Variants in KCNJ6 observed in about 807,000 individuals in gnomAD.
KCNJ6 encodes the protein G protein-activated inward rectifier potassium channel 2.
KCNJ6 carries 9 observed loss-of-function variants against 34.2 expected under a neutral mutation model. The ratio of observed to expected loss-of-function variants is 0.26; its 90% confidence interval spans 0.16 to 0.46. The LOEUF is 0.46. Ranked by LOEUF, KCNJ6 falls within the 20% of genes least tolerant of loss-of-function variation. The pLI is 1.00. For missense variants in KCNJ6, 236 were observed against 531.3 expected, an observed-to-expected ratio of 0.44 and a Z score of 5.46; for synonymous variants, 196 against 207.1, an observed-to-expected ratio of 0.95 and a Z score of 0.46.
intron 2 of KCNJ6, among the ~76,000 whole-genome samples, chr21:37,743,044 C>G (rs1303998021): frequency 6.6e-6 from 1 of 152,176 alleles, no homozygotes; most frequent in Non-Finnish European, 1.5e-5. Context: ...TCCCTGGAAG[C>G]CTGCCAGAGA....
intron 2 of KCNJ6, among the ~76,000 whole-genome samples, chr21:37,731,265 T>TTG (rs1208627390): frequency 6.6e-6 from 1 of 152,154 alleles, no homozygotes; most frequent in Non-Finnish European, 1.5e-5. Context: ...TTTAAGGGGC[T>TTG]TGTGTTTGGG....
intron 2 of KCNJ6, among the ~76,000 whole-genome samples, chr21:37,777,908 G>A (rs182030257): frequency 6.6e-6 from 1 of 152,166 alleles, no homozygotes; most frequent in African/African-American, 2.4e-5. Context: ...TCTTGACTGT[G>A]GTTCAGCACA....
intron 1 of KCNJ6, among the ~76,000 whole-genome samples, chr21:37,884,609 C>G (rs539678979): frequency 6.6e-6 from 1 of 152,192 alleles, no homozygotes; most frequent in Non-Finnish European, 1.5e-5. Flanking sequence ...CCCAAAGCCC[C>G]AAAGTAAAAG....
chr21:37,685,095 G>T (rs764466912), intron 3 of KCNJ6, among the ~76,000 whole-genome samples: 63 of 151,894 alleles, frequency 4.1e-4, no homozygotes, highest in South Asian at 6.2e-4. Context: ...CTAGAAAAAA[G>T]AAAAAATCAA....
At chr21:37,682,277 CTT>C (rs2054594004) in intron 3 of KCNJ6, among the ~76,000 whole-genome samples, 1 of 152,208 alleles carries the variant, frequency 6.6e-6, no homozygotes, top group Admixed American at 6.5e-5. Context: ...TCCTTTCTTG[CTT>C]CTTCTGGCTT....
intron 3 of KCNJ6, among the ~76,000 whole-genome samples, chr21:37,710,089 T>C (rs1014463061): frequency 2.0e-5 from 3 of 152,086 alleles, no homozygotes; most frequent in Non-Finnish European, 2.9e-5. Context: ...GAAGAAGAAG[T>C]CATAGATTAA....
intron 1 of KCNJ6, among the ~76,000 whole-genome samples, chr21:37,881,778 A>G (rs1224290799): frequency 6.6e-6 from 1 of 152,108 alleles, no homozygotes; most frequent in Non-Finnish European, 1.5e-5. Flanking sequence ...TCTCATCTCC[A>G]AATGCCACCA....
intron 1 of KCNJ6, among the ~76,000 whole-genome samples, chr21:37,877,244 C>G (rs974886755): frequency 6.6e-6 from 1 of 152,144 alleles, no homozygotes; most frequent in Non-Finnish European, 1.5e-5. Context: ...CTCCCCAGGT[C>G]TCTCCTGATA....
chr21:37,787,624 G>GTTT (rs1037539580), intron 2 of KCNJ6, among the ~76,000 whole-genome samples: 6 of 152,154 alleles, frequency 3.9e-5, no homozygotes, highest in African/African-American at 1.4e-4. Context: ...GAATGTATTT[G>GTTT]TTTGGGAACT....
intron 2 of KCNJ6, among the ~76,000 whole-genome samples, chr21:37,743,156 T>C (rs547105747): frequency 1.2e-4 from 19 of 152,304 alleles, no homozygotes; most frequent in Admixed American, 4.6e-4. Context: ...GTCTCTTCCC[T>C]GACAGACCCT....
At chr21:37,812,179 A>G (rs1003848597) in intron 2 of KCNJ6, among the ~76,000 whole-genome samples, 2 of 152,196 alleles carry the variant, frequency 1.3e-5, no homozygotes, top group Non-Finnish European at 2.9e-5. Flanking sequence ...TGAGGAAATC[A>G]TAAGTCCTGT....
chr21:37,745,846 C>A (rs576509875), intron 2 of KCNJ6, among the ~76,000 whole-genome samples: 1 of 152,170 alleles, frequency 6.6e-6, no homozygotes, highest in South Asian at 2.1e-4. Flanking sequence ...ACTAGGGCAG[C>A]GGAGGCAATT....
chr21:37,898,496 A>T (rs189650016), intron 1 of KCNJ6, among the ~76,000 whole-genome samples: 1 of 151,902 alleles, frequency 6.6e-6, no homozygotes, highest in African/African-American at 2.4e-5. Context: ...GCAGAAGAAT[A>T]GCTAGAACCC....
At chr21:37,719,908 C>T (rs1215129598) in intron 2 of KCNJ6, among the ~76,000 whole-genome samples, 1 of 152,168 alleles carries the variant, frequency 6.6e-6, no homozygotes, top group Non-Finnish European at 1.5e-5. Flanking sequence ...ATGTTTCTTA[C>T]ATTTCAAGTT....
At chr21:37,729,935 C>T (rs1234716164) in intron 2 of KCNJ6, among the ~76,000 whole-genome samples, 1 of 152,054 alleles carries the variant, frequency 6.6e-6, no homozygotes, top group Non-Finnish European at 1.5e-5. Context: ...TAGATGAACA[C>T]ATGAAGAAAG....
chr21:37,724,833 G>GA (rs553517938), intron 2 of KCNJ6, among the ~76,000 whole-genome samples: 27 of 151,604 alleles, frequency 1.8e-4, no homozygotes, highest in African/African-American at 6.3e-4. Context: ...TGCCCTCCTG[G>GA]AAAAAAAATG....
chr21:37,908,089 T>G (rs1361716253), intron 1 of KCNJ6, among the ~76,000 whole-genome samples: 3 of 152,244 alleles, frequency 2.0e-5, no homozygotes, highest in African/African-American at 7.2e-5. Flanking sequence ...TGTTTCATTT[T>G]GATAATGTTT....
chr21:37,866,538 C>T (rs994941196), intron 1 of KCNJ6, among the ~76,000 whole-genome samples: 39 of 152,228 alleles, frequency 2.6e-4, no homozygotes, highest in African/African-American at 6.0e-4. Context: ...CAGACCTGGC[C>T]GGAGCTGGAC....
At chr21:37,770,340 A>G (rs955400888) in intron 2 of KCNJ6, among the ~76,000 whole-genome samples, 21 of 151,888 alleles carry the variant, frequency 1.4e-4, no homozygotes, top group African/African-American at 4.4e-4. Flanking sequence ...GAGGTGCTCT[A>G]CACTCTAAAA....
Sources: gnomAD v4.1 joint callset for allele counts (sites outside exome capture counted in the v4.1 genomes callset) on GRCh38, gnomAD v4.1.1 for gene constraint, MANE v1.5 for transcripts, NCBI Gene and HGNC (gene_info 2026-07-23, HGNC 2026-07-21) for gene names.